KCNMB2: variants seen among roughly 807,000 people sequenced by gnomAD.
KCNMB2 encodes calcium-activated potassium channel subunit beta-2.
A neutral mutation model predicts 24.5 loss-of-function variants in KCNMB2; 9 were observed. That is an observed-to-expected ratio of 0.37 (90% CI 0.22 to 0.64). The LOEUF (loss-of-function observed/expected upper bound fraction) is 0.64, where lower values mean the gene tolerates loss of function less well. Ranked by LOEUF, KCNMB2 falls within the 30% of genes least tolerant of loss-of-function variation. The pLI is 0.63. For synonymous variants in KCNMB2, 109 were observed against 104.4 expected (o/e 1.04, Z -0.27); for missense variants, 226 against 284.3 (o/e 0.79, Z 1.47).
At chr3:178,708,543 AT>A (rs1391687582) in intron 1 of KCNMB2, among the ~76,000 whole-genome samples, 12 of 152,242 alleles carry the variant, frequency 7.9e-5, no homozygotes, top group Middle Eastern at 3.4e-3. Context: ...ACTGTTTTCC[AT>A]GAAGTTATAG....
At chr3:178,539,028 T>C (rs1001044138) in intron 1 of KCNMB2, among the ~76,000 whole-genome samples, 3 of 152,200 alleles carry the variant, frequency 2.0e-5, no homozygotes, top group Admixed American at 1.3e-4. Context: ...GTCAGTCTTG[T>C]TTCCTCAGTC....
At chr3:178,835,418 A>G (rs943399781) in intron 4 of KCNMB2, among the ~76,000 whole-genome samples, 2 of 152,204 alleles carry the variant, frequency 1.3e-5, no homozygotes, top group Admixed American at 1.3e-4. Flanking sequence ...GAGTGGGAAG[A>G]AATGAAGTCT....
At chr3:178,766,367 AT>A (rs1046687684) in intron 1 of KCNMB2, among the ~76,000 whole-genome samples, 1 of 151,856 alleles carries the variant, frequency 6.6e-6, no homozygotes, top group Non-Finnish European at 1.5e-5. Flanking sequence ...TTATTTTTTT[AT>A]TTTTTTATGG....
At chr3:178,764,005 G>C (rs888488820) in intron 1 of KCNMB2, among the ~76,000 whole-genome samples, 2 of 152,080 alleles carry the variant, frequency 1.3e-5, no homozygotes, top group Non-Finnish European at 2.9e-5. Flanking sequence ...TATTTTATAG[G>C]TAAGAAACAA....
intron 1 of KCNMB2, among the ~76,000 whole-genome samples, chr3:178,744,047 G>A (rs537846836): frequency 6.6e-5 from 10 of 152,322 alleles, no homozygotes; most frequent in East Asian, 1.9e-4. Context: ...TTGCTATAGC[G>A]ATAGAAGTTA....
chr3:178,637,180 T>G (rs1719558414), intron 1 of KCNMB2, among the ~76,000 whole-genome samples: 3 of 152,204 alleles, frequency 2.0e-5, no homozygotes, highest in Admixed American at 1.3e-4. Flanking sequence ...AGCATGTATC[T>G]TTATAACAGA....
At chr3:178,835,885 T>C (rs1192790538) in intron 4 of KCNMB2, among the ~76,000 whole-genome samples, 2 of 152,184 alleles carry the variant, frequency 1.3e-5, no homozygotes, top group East Asian at 1.9e-4. Flanking sequence ...TTTTTCTGTT[T>C]CGCTATACAT....
chr3:178,709,303 G>A (rs1211602414), intron 1 of KCNMB2, among the ~76,000 whole-genome samples: 4 of 152,126 alleles, frequency 2.6e-5, no homozygotes, highest in African/African-American at 9.7e-5. Context: ...AAATGTTTCC[G>A]GTTGCCAGGC....
At chr3:178,562,603 A>G (rs1188527275) in intron 1 of KCNMB2, among the ~76,000 whole-genome samples, 8 of 152,218 alleles carry the variant, frequency 5.3e-5, no homozygotes. Context: ...GTGCAAGTGG[A>G]TTCTTTATTT....
At chr3:178,644,697 A>T (rs531315918) in intron 1 of KCNMB2, among the ~76,000 whole-genome samples, 2 of 152,254 alleles carry the variant, frequency 1.3e-5, no homozygotes, top group Admixed American at 1.3e-4. Context: ...CCATGCTTTT[A>T]TTTTCGCACT....
intron 1 of KCNMB2, among the ~76,000 whole-genome samples, chr3:178,697,500 T>C (rs1247371248): frequency 6.6e-6 from 1 of 152,216 alleles, no homozygotes; most frequent in African/African-American, 2.4e-5. Context: ...ATGTGTGTCA[T>C]TGCATGTGAG....
chr3:178,693,927 G>A (rs558974872), intron 1 of KCNMB2, among the ~76,000 whole-genome samples: 104 of 143,260 alleles, frequency 7.3e-4, no homozygotes, highest in African/African-American at 2.7e-3. Context: ...ATTTATTACT[G>A]CCTCAATTTC....
intron 1 of KCNMB2, among the ~76,000 whole-genome samples, chr3:178,647,697 C>G (rs549026515): frequency 1.1e-3 from 161 of 152,152 alleles, no homozygotes; most frequent in Middle Eastern, 6.8e-3. Flanking sequence ...ATAACCAAGG[C>G]AGTTTTATTT....
intron 1 of KCNMB2, among the ~76,000 whole-genome samples, chr3:178,648,226 C>CA (rs1299483567): frequency 6.6e-6 from 1 of 152,104 alleles, no homozygotes; most frequent in Non-Finnish European, 1.5e-5. Context: ...ATGATATACA[C>CA]AAAAATATTA....
At chr3:178,726,940 T>G (rs1362287202) in intron 1 of KCNMB2, among the ~76,000 whole-genome samples, 3 of 151,988 alleles carry the variant, frequency 2.0e-5, no homozygotes, top group Non-Finnish European at 4.4e-5. Flanking sequence ...ATTTTTCCAT[T>G]CTGTTGCGAT....
chr3:178,742,163 T>C lies in KCNMB2; in HGVS notation c.-67-65180T>C, dbSNP rs370885104. 3.3e-5 allele frequency among the ~76,000 whole-genome samples: 5 copies of C among 152,208 alleles called. No individual in the cohort carries two copies. The East Asian group carries it at 7.7e-4, about 23-fold the overall frequency. ...CACTGTCAGCATGTATTTCATGGAG[T>C]AGAGCCATTAAAACTACTCTACGGT... On this transcript the variant is annotated intron_variant, in intron 1 of 4. Transcript: ENST00000452583.
At chr3:178,669,790 TG>T (rs1350083812) in intron 1 of KCNMB2, among the ~76,000 whole-genome samples, 2 of 151,954 alleles carry the variant, frequency 1.3e-5, no homozygotes, top group Non-Finnish European at 2.9e-5. Flanking sequence ...AAAAACATCA[TG>T]GAAGGAACCA....
intron 1 of KCNMB2, among the ~76,000 whole-genome samples, chr3:178,650,594 G>A (rs1720078929): frequency 6.6e-6 from 1 of 152,010 alleles, no homozygotes; most frequent in Admixed American, 6.6e-5. Flanking sequence ...AAACCTGGCA[G>A]AGACACAACA....
At chr3:178,761,096 T>C (rs1298728172) in intron 1 of KCNMB2, among the ~76,000 whole-genome samples, 1 of 152,154 alleles carries the variant, frequency 6.6e-6, no homozygotes, top group African/African-American at 2.4e-5. Context: ...ATACTTAAGT[T>C]GAGGTGTGGG....
Sources: allele counts gnomAD v4.1 joint callset (sites outside exome capture counted in the v4.1 genomes callset), GRCh38; gene constraint gnomAD v4.1.1; transcripts MANE v1.5; gene names NCBI Gene and HGNC (gene_info 2026-07-23, HGNC 2026-07-21).